Variants in SAG observed in about 807,000 individuals in gnomAD.
The protein encoded by SAG is S-arrestin.
Under a neutral mutation model 55.0 loss-of-function variants are expected in SAG, and 45 were observed. The observed-to-expected ratio is 0.82, with a 90% CI of 0.64 to 1.05. SAG has a LOEUF of 1.05. SAG is among the 50% of genes least tolerant of loss of function. The pLI, the probability that SAG is intolerant of heterozygous loss-of-function variation, is 0.00. For missense variants in SAG, 455 were observed against 512.1 expected (o/e 0.89, Z 1.08); for synonymous variants, 189 against 197.4 (o/e 0.96, Z 0.36).
intron 15 of SAG, 46 bp from the exon 16 acceptor site, chr2:233,346,761 C>A: frequency 8.0e-7 from 1 of 1,252,232 alleles, no homozygotes; most frequent in Non-Finnish European, 1.2e-6. Context: ...TCAGTTTCAG[C>A]TTCAAAGGGC....
chr2:233,325,321 A>C (rs1292192889), intron 6 of SAG, among the ~76,000 whole-genome samples: 1 of 150,498 alleles, frequency 6.6e-6, no homozygotes, highest in Non-Finnish European at 1.5e-5. Flanking sequence ...GTGCCACTAC[A>C]CTCCAGCCTG....
intron 11 of SAG, among the ~76,000 whole-genome samples, chr2:233,337,583 G>C (rs1296557299): frequency 6.6e-6 from 1 of 152,150 alleles, no homozygotes; most frequent in African/African-American, 2.4e-5. Flanking sequence ...GTGAGCTGAA[G>C]GAGCTCTCTG....
chr2:233,329,860 T>C (rs1178826712), intron 9 of SAG, among the ~76,000 whole-genome samples: 4 of 152,248 alleles, frequency 2.6e-5, no homozygotes, highest in African/African-American at 2.4e-5. Flanking sequence ...ACAGTGCTCA[T>C]TGTGGTTGAC....
Position 233,309,213 on chromosome 2 carries a change from C to T in SAG, c.24C>T (p.Ser8=), listed in dbSNP as rs772914589. 1.2e-6 allele frequency: 2 copies of T among 1,613,740 alleles called. No individual in the cohort carries two copies. The highest frequency in any genetic ancestry group is 2.7e-5 in the African/African-American group (2 of 75,000). ...ACATGGCAGCCAGCGGGAAGACCAG[C>T]AAGTCCGAACCGAACCATGTTATCT... The part of the protein sequence containing the change: MAASGKT[S]KSEPNHVIFK... Residue 8 remains serine (S), a synonymous_variant, in exon 2 of 16, where the codon AGC becomes AGT. Coordinates refer to ENST00000409110, the MANE Select transcript of SAG (RefSeq NM_000541.5).
chr2:233,310,167 C>G (rs1700040118), intron 2 of SAG, among the ~76,000 whole-genome samples: 1 of 152,238 alleles, frequency 6.6e-6, no homozygotes, highest in Non-Finnish European at 1.5e-5. Context: ...CGTCCAGCCT[C>G]TGTGGATAGC....
chr2:233,330,527 T>C (rs1347324961), intron 9 of SAG, among the ~76,000 whole-genome samples: 1 of 140,606 alleles, frequency 7.1e-6, no homozygotes, highest in South Asian at 2.3e-4. Flanking sequence ...CTTCCTTCCT[T>C]CCTTCCTTCC....
At chr2:233,341,346 G>C (rs1160605024) in intron 13 of SAG, among the ~76,000 whole-genome samples, 2 of 152,148 alleles carry the variant, frequency 1.3e-5, no homozygotes, top group African/African-American at 2.4e-5. Flanking sequence ...CTCAATGCCT[G>C]TCTCAAATGT....
intron 13 of SAG, among the ~76,000 whole-genome samples, chr2:233,341,373 G>A (rs545653365): frequency 1.2e-3 from 189 of 152,280 alleles, no homozygotes; most frequent in African/African-American, 4.2e-3. Flanking sequence ...ACTTGCTGCT[G>A]CTTCGTGCAT....
Position 233,315,586 on chromosome 2 carries a change from C to CTGT in SAG, c.76-489_76-488insTGT, listed in dbSNP as rs879876248. ...GGGATTACAGGGGTGAGCCACCACA[C>CTGT]CCAGCCTGTCCAGAAGTTCTTGTGA... On this transcript the variant is annotated intron_variant, in intron 2 of 15. Coordinates refer to ENST00000409110, the MANE Select transcript of SAG (RefSeq NM_000541.5). Among the ~76,000 whole-genome samples, 175 of 152,010 alleles carry CTGT rather than the reference C, an allele frequency of 1.2e-3. 1 individual carries two copies. The highest frequency in any genetic ancestry group is 1.5e-3 in the Non-Finnish European group (102 of 67,964).
At position 233,319,388 on chromosome 2, in the gene SAG, A is replaced by T. The variant is rs1700311849; in HGVS notation, c.181+593A>T. The stretch of plus-strand genomic sequence containing the variant: ...CCCTTGAAGATTTCTGGCAGTTTTG[A>T]TGTGTGTGGTAAGTAATTTGTTACT... On this transcript the variant is annotated intron_variant, in intron 4 of 15. Coordinates refer to ENST00000409110, the MANE Select transcript of SAG (RefSeq NM_000541.5). The surrounding 1 kb of genome is among the most constrained non-coding windows in gnomAD (Gnocchi z 4.4). Among the ~76,000 whole-genome samples, 1 of 152,112 alleles carries T rather than the reference A, an allele frequency of 6.6e-6. No homozygotes were observed. Among genetic ancestry groups the T allele is most frequent in the South Asian group, 2.1e-4 (1 of 4,832 alleles).
rs775977066 is a variant in SAG at position 233,343,602 on chromosome 2, T to A, written c.1102+1276T>A. 4.4e-5 allele frequency: 45 copies of A among 1,033,364 alleles called. 1 individual carries two copies. Among genetic ancestry groups the A allele is most frequent in the Non-Finnish European group, 5.4e-5 (42 of 775,898 alleles). The allele number at this position is 1,033,364 out of a possible 1,614,324, so 64.0% of individuals were successfully genotyped here. A position where few individuals can be genotyped will look rare whatever the true frequency, so the allele number is the denominator to read the frequency against. On this transcript the variant is annotated intron_variant, in intron 14 of 15. Coordinates refer to ENST00000409110, the MANE Select transcript of SAG (RefSeq NM_000541.5). ...AGGTAAATTGTATGATATATGAATT[T>A]GATCTCAATCATTCTCTTTCTAAAA...
intron 8 of SAG, 138 bp from the exon 9 acceptor site, chr2:233,329,355 A>G: frequency 1.5e-6 from 1 of 657,360 alleles, no homozygotes; most frequent in Non-Finnish European, 2.7e-6. Context: ...GAAGAAATGT[A>G]TTGCTATCAC....
intron 14 of SAG, 116 bp downstream of exon 14, chr2:233,342,442 G>C (rs1217655635): frequency 2.5e-6 from 2 of 812,482 alleles, no homozygotes; most frequent in Admixed American, 2.0e-5. Flanking sequence ...CCAGGTGTAA[G>C]AGATTCCATG....
intron 5 of SAG, among the ~76,000 whole-genome samples, chr2:233,321,024 C>T (rs1414439369): frequency 3.3e-5 from 5 of 152,152 alleles, no homozygotes; most frequent in Non-Finnish European, 7.3e-5. Flanking sequence ...TTTGAAGACA[C>T]CCTTTCAACC....
intron 6 of SAG, among the ~76,000 whole-genome samples, chr2:233,323,669 A>G (rs140263371): frequency 6.6e-6 from 1 of 152,176 alleles, no homozygotes; most frequent in Non-Finnish European, 1.5e-5. Flanking sequence ...GGCCCATTAG[A>G]CTTTTAAAGA....
chr2:233,328,754 G>A (rs753464715), intron 8 of SAG, 141 bp downstream of exon 8: 71 of 863,760 alleles, frequency 8.2e-5, no homozygotes, highest in Non-Finnish European at 1.1e-4. Context: ...ACCAACATGC[G>A]TAAGTGACTG....
At chr2:233,332,088 T>C (rs756145659) in intron 10 of SAG, 16 of 255,968 alleles carry the variant, frequency 6.3e-5, no homozygotes, top group Non-Finnish European at 1.1e-4. Context: ...CAGCCCAGGC[T>C]AGGATTCCCT....
intron 2 of SAG, among the ~76,000 whole-genome samples, chr2:233,313,873 A>G (rs1035219539): frequency 6.7e-6 from 1 of 149,436 alleles, no homozygotes; most frequent in Non-Finnish European, 1.5e-5. Flanking sequence ...TGGCCAGAGG[A>G]GAGTTTTTAA....
intron 2 of SAG, among the ~76,000 whole-genome samples, chr2:233,313,543 C>G (rs899891274): frequency 5.9e-5 from 9 of 151,418 alleles, no homozygotes; most frequent in African/African-American, 2.2e-4. Context: ...CAGGGTCTTA[C>G]TCTGGAGACC....
Sources: gnomAD v4.1 joint callset for allele counts (sites outside exome capture counted in the v4.1 genomes callset) on GRCh38, gnomAD v4.1.1 for gene constraint, Gnocchi (gnomAD v3.1) non-coding constraint, MANE v1.5 for transcripts, NCBI Gene and HGNC (gene_info 2026-07-23, HGNC 2026-07-21) for gene names.